The following EPHA4 variants were observed in gnomAD, a reference collection of about 807,000 sequenced individuals.
EPHA4 encodes EPH receptor A4, also known as ephrin type-A receptor 4.
A neutral mutation model predicts 108.3 loss-of-function variants in EPHA4; 19 were observed. That is an observed-to-expected ratio of 0.18 (90% CI 0.12 to 0.26). EPHA4 has a LOEUF of 0.26. EPHA4 is among the 10% of genes least tolerant of loss of function. The probability of loss-of-function intolerance (pLI) is 1.00; values close to 1 mark genes in which losing one functional copy is unlikely to be tolerated. For missense variants in EPHA4, 917 were observed against 1,254.0 expected, an observed-to-expected ratio of 0.73 and a Z score of 4.06; for synonymous variants, 449 against 455.5, an observed-to-expected ratio of 0.99 and a Z score of 0.18.
chr2:221,488,828 T>C (rs577508840), intron 4 of EPHA4, among the ~76,000 whole-genome samples: 3 of 152,204 alleles, frequency 2.0e-5, no homozygotes, highest in Admixed American at 1.3e-4. Context: ...ATACTGTCAA[T>C]GTGACATTTA....
Position 221,495,888 on chromosome 2 carries a change from C to T in EPHA4, c.979+5129G>A, listed in dbSNP as rs986513858. 9.2e-5 allele frequency among the ~76,000 whole-genome samples: 14 copies of T among 152,136 alleles called. No homozygotes were observed. In the East Asian group the frequency reaches 1.4e-3, roughly 15 times the overall value. On this transcript the variant is annotated intron_variant, in intron 4 of 17. Coordinates refer to ENST00000281821, the MANE Select transcript of EPHA4 (RefSeq NM_004438.5). ...GTGTTTTATTTCTTCATTAGTGTGC[C>T]GTCACAGTGAGCGATCACTAAATGC... is the stretch of plus-strand genomic sequence containing the variant.
intron 3 of EPHA4, among the ~76,000 whole-genome samples, chr2:221,549,833 TA>T (rs1201178602): frequency 1.3e-5 from 2 of 151,670 alleles, no homozygotes; most frequent in Non-Finnish European, 2.9e-5. Context: ...CTAAAAATAC[TA>T]AAAAAAATTA....
intron 4 of EPHA4, among the ~76,000 whole-genome samples, chr2:221,498,522 A>C (rs1178195966): frequency 6.6e-6 from 1 of 152,226 alleles, no homozygotes; most frequent in Non-Finnish European, 1.5e-5. Context: ...GAGTTCAAAC[A>C]AAAGTGGCCA....
At chr2:221,432,007 A>G (rs1267162995) in intron 14 of EPHA4, among the ~76,000 whole-genome samples, 1 of 152,140 alleles carries the variant, frequency 6.6e-6, no homozygotes, top group Non-Finnish European at 1.5e-5. Flanking sequence ...AGAATCCAAC[A>G]CAGAGACAAA....
At chr2:221,559,220 G>A (rs1049427937) in intron 3 of EPHA4, among the ~76,000 whole-genome samples, 7 of 152,094 alleles carry the variant, frequency 4.6e-5, no homozygotes, top group African/African-American at 7.2e-5. Context: ...ACTTCAGCAA[G>A]GCTTGATTCT....
chr2:221,525,516 G>A (rs1046809970), intron 3 of EPHA4, among the ~76,000 whole-genome samples: 17 of 152,146 alleles, frequency 1.1e-4, no homozygotes, highest in African/African-American at 3.9e-4. Context: ...GATGGAGGAC[G>A]AACGACTCAG....
At chr2:221,439,845 G>C (rs912935758) in intron 11 of EPHA4, among the ~76,000 whole-genome samples, 1 of 152,166 alleles carries the variant, frequency 6.6e-6, no homozygotes, top group African/African-American at 2.4e-5. Flanking sequence ...TGAGGGTCAT[G>C]CGGAGAATTT....
Position 221,482,613 on chromosome 2 carries a change from T to A in EPHA4, c.1057A>T (p.Asn353Tyr), listed in dbSNP as rs1276709569. 1 of 1,613,932 alleles carries A rather than the reference T, an allele frequency of 6.2e-7. No homozygotes were observed. ...GAAATGTCCTGGCGGCCACCTGTAT[T>A]CTGAGGGCTACTCCATTCCAAGTTC... Reference protein sequence around the residue: ...SVNLEWSSPQNTGGRQDISYN... With the variant: ...SVNLEWSSPQYTGGRQDISYN... The change falls in exon 5 of 18, where the codon AAT becomes TAT. Residue 353 changes from asparagine to tyrosine, a missense_variant. By Grantham distance (143) the Asn-to-Tyr change is moderately radical (BLOSUM62 -2). Around this residue, in one of 3 missense-constraint regions of EPHA4, gnomAD observed 758 missense variants for 1,076.7 expected, o/e 0.70. Transcript: ENST00000281821.
chr2:221,432,377 A>G (rs1690104209), intron 14 of EPHA4, among the ~76,000 whole-genome samples: 1 of 152,138 alleles, frequency 6.6e-6, no homozygotes. Flanking sequence ...CCTGAATCCA[A>G]ATGTGGCTAC....
intron 8 of EPHA4, among the ~76,000 whole-genome samples, chr2:221,448,074 T>C (rs946593995): frequency 3.3e-5 from 5 of 152,028 alleles, no homozygotes; most frequent in African/African-American, 1.2e-4. Flanking sequence ...ACTCTTGACC[T>C]CAAGTAATCC....
At chr2:221,537,398 C>A (rs991452771) in intron 3 of EPHA4, among the ~76,000 whole-genome samples, 3 of 152,224 alleles carry the variant, frequency 2.0e-5, no homozygotes, top group African/African-American at 7.2e-5. Flanking sequence ...TATGGCTGAT[C>A]TCATTTATCA....
At chr2:221,499,756 A>ATTTTTTTTT (rs575017779) in intron 4 of EPHA4, among the ~76,000 whole-genome samples, 2 of 26,216 alleles carry the variant, frequency 7.6e-5, no homozygotes, top group Admixed American at 7.5e-4. Flanking sequence ...ATATATATAT[A>ATTTTTTTTT]TTTTTTTTTT....
intron 10 of EPHA4, 50 bp from the exon 11 acceptor site, chr2:221,443,064 GAAAGAA>G: frequency 1.1e-6 from 1 of 924,982 alleles, no homozygotes. Flanking sequence ...CATTCAAGAT[GAAAGAA>G]TAACAGCTAA....
At chr2:221,499,030 T>C (rs891385321) in intron 4 of EPHA4, among the ~76,000 whole-genome samples, 2 of 151,158 alleles carry the variant, frequency 1.3e-5, no homozygotes, top group African/African-American at 4.9e-5. Flanking sequence ...ACCTCAATAA[T>C]CCGCCTGCCT....
At chr2:221,475,753 TC>T (rs1200750458) in intron 5 of EPHA4, among the ~76,000 whole-genome samples, 3 of 152,248 alleles carry the variant, frequency 2.0e-5, no homozygotes, top group Non-Finnish European at 2.9e-5. Context: ...TTATATAATT[TC>T]CAAATGTCAC....
At chr2:221,487,675 C>T (rs1016672290) in intron 4 of EPHA4, among the ~76,000 whole-genome samples, 19 of 152,068 alleles carry the variant, frequency 1.2e-4, no homozygotes, top group African/African-American at 4.3e-4. Context: ...TTTGTCATTA[C>T]TTTTAATGGC....
chr2:221,450,195 G>C (rs775914389), intron 8 of EPHA4, among the ~76,000 whole-genome samples: 1 of 152,212 alleles, frequency 6.6e-6, no homozygotes, highest in Non-Finnish European at 1.5e-5. Context: ...GACCACCTGA[G>C]GTCAGGGGTT....
chr2:221,516,594 A>T (rs554556779), intron 3 of EPHA4, among the ~76,000 whole-genome samples: 1 of 152,260 alleles, frequency 6.6e-6, no homozygotes, highest in East Asian at 1.9e-4. Flanking sequence ...ACCTCAGGTG[A>T]TCGGCCCGCC....
At chr2:221,540,952 TGA>T (rs1341383988) in intron 3 of EPHA4, among the ~76,000 whole-genome samples, 27 of 142,564 alleles carry the variant, frequency 1.9e-4, no homozygotes, top group Middle Eastern at 3.5e-3. Flanking sequence ...TTTTTTTTTT[TGA>T]GGGTATGGCG....
Sources: gnomAD v4.1 joint callset for allele counts (sites outside exome capture counted in the v4.1 genomes callset) on GRCh38, gnomAD v4.1.1 for gene constraint, gnomAD v4.1.1 regional missense constraint, MANE v1.5 for transcripts, NCBI Gene and HGNC (gene_info 2026-07-23, HGNC 2026-07-21) for gene names.